Variants in HADHB observed in about 807,000 individuals in gnomAD.
HADHB encodes trifunctional enzyme subunit beta, mitochondrial.
Under a neutral mutation model 61.9 loss-of-function variants are expected in HADHB, and 50 were observed. That is an observed-to-expected ratio of 0.81 (90% confidence interval 0.64 to 1.02). The LOEUF (loss-of-function observed/expected upper bound fraction) is 1.02. Ranked by LOEUF, HADHB falls within the 50% of genes least tolerant of loss-of-function variation. The pLI is 0.00. For synonymous variants in HADHB, 191 were observed against 201.6 expected (o/e 0.95, Z 0.45); for missense variants, 504 against 586.5 (o/e 0.86, Z 1.45).
intron 4 of HADHB, among the ~76,000 whole-genome samples, chr2:26,265,316 C>A (rs1038068464): frequency 5.3e-5 from 8 of 152,062 alleles, no homozygotes; most frequent in Admixed American, 5.2e-4. Flanking sequence ...TACAAACAGG[C>A]CAGGTTCAGT....
At position 26,258,116 on chromosome 2, in the gene HADHB, G is replaced by A. The variant is rs181238914; in HGVS notation, c.109+3642G>A. On this transcript the variant is annotated intron_variant, in intron 3 of 15. Coordinates refer to ENST00000317799, the MANE Select transcript of HADHB (RefSeq NM_000183.3). Reference sequence around the variant, plus strand: ...TTATGGAAAACAACAGTTTGCATTAGGTCCCTTAACTGAGCCTCCGAAACG... The same window carrying A: ...TTATGGAAAACAACAGTTTGCATTAAGTCCCTTAACTGAGCCTCCGAAACG... Among the ~76,000 whole-genome samples, 598 of 152,272 alleles carry A rather than the reference G, an allele frequency of 3.9e-3. 4 individuals are homozygous for A. Among genetic ancestry groups the A allele is most frequent in the African/African-American group, 0.013 (555 of 41,558 alleles).
intron 15 of HADHB, 65 bp downstream of exon 15, chr2:26,285,636 G>T: frequency 6.8e-6 from 8 of 1,178,934 alleles, no homozygotes; most frequent in Non-Finnish European, 8.2e-6. Flanking sequence ...TAGAATGTAT[G>T]ATTTAGTTTG....
chr2:26,247,488 A>G (rs1412242802), intron 1 of HADHB, among the ~76,000 whole-genome samples: 1 of 152,176 alleles, frequency 6.6e-6, no homozygotes, highest in Non-Finnish European at 1.5e-5. Context: ...TACTTTTAAC[A>G]TTTTGATGTG....
At chr2:26,272,833 C>T (rs888282619) in intron 5 of HADHB, among the ~76,000 whole-genome samples, 3 of 151,934 alleles carry the variant, frequency 2.0e-5, no homozygotes, top group African/African-American at 7.3e-5. Context: ...CCTATAATCC[C>T]AGCACTTTGG....
chr2:26,280,898 G>A (rs1672761535), intron 10 of HADHB, among the ~76,000 whole-genome samples: 2 of 148,352 alleles, frequency 1.3e-5, no homozygotes, highest in East Asian at 3.9e-4. Context: ...TTGGACAAAG[G>A]GAATAGCAAA....
At chr2:26,280,945 T>TG (rs1311581992) in intron 10 of HADHB, among the ~76,000 whole-genome samples, 3 of 149,970 alleles carry the variant, frequency 2.0e-5, no homozygotes, top group Admixed American at 6.6e-5. Context: ...AGGGGTTCTT[T>TG]GGGGAAAAGT....
chr2:26,283,763 G>A (rs971305488), intron 12 of HADHB, among the ~76,000 whole-genome samples: 7 of 152,058 alleles, frequency 4.6e-5, no homozygotes, highest in South Asian at 2.1e-4. Flanking sequence ...ACTCTGTTCC[G>A]TTCCCTCACA....
At chr2:26,266,329 A>G (rs1273024536) in intron 4 of HADHB, among the ~76,000 whole-genome samples, 1 of 152,080 alleles carries the variant, frequency 6.6e-6, no homozygotes, top group Non-Finnish European at 1.5e-5. Context: ...AAGGACAACA[A>G]TTTTTACATT....
Position 26,267,122 on chromosome 2 carries a change from C to T in HADHB, c.210-2831C>T, listed in dbSNP as rs532858417. ...TGAAGAATGAATCTTCTTATTTAATCCAATGATTAAATCTCTGACTTAAAA... is the reference window on the plus strand; with the variant it reads ...TGAAGAATGAATCTTCTTATTTAATTCAATGATTAAATCTCTGACTTAAAA... On this transcript the variant is annotated intron_variant, in intron 4 of 15. Coordinates refer to ENST00000317799, the MANE Select transcript of HADHB (RefSeq NM_000183.3). 4.6e-3 allele frequency among the ~76,000 whole-genome samples: 698 copies of T among 151,922 alleles called. 3 individuals are homozygous for T. The highest frequency in any genetic ancestry group is 0.016 in the African/African-American group (679 of 41,422).
chr2:26,260,736 G>C (rs1671827755), intron 3 of HADHB: 5 of 431,118 alleles, frequency 1.2e-5, no homozygotes, highest in Non-Finnish European at 1.7e-5. Context: ...ACTACAGCTG[G>C]AAAGGTGTTA....
intron 14 of HADHB, 25 bp downstream of exon 14, chr2:26,284,982 C>A (rs373050054): frequency 3.5e-6 from 4 of 1,154,186 alleles, no homozygotes; most frequent in African/African-American, 3.0e-5. Flanking sequence ...TTAAAAAATG[C>A]GTGAATTTTC....
intron 4 of HADHB, among the ~76,000 whole-genome samples, chr2:26,265,323 C>T (rs899739309): frequency 7.2e-5 from 11 of 152,186 alleles, no homozygotes; most frequent in Non-Finnish European, 5.9e-5. Flanking sequence ...AGGCCAGGTT[C>T]AGTGGCTCAC....
chr2:26,288,850 C>T (rs1457632217), intron 15 of HADHB, among the ~76,000 whole-genome samples: 1 of 152,140 alleles, frequency 6.6e-6, no homozygotes, highest in African/African-American at 2.4e-5. Context: ...CTTTTATTTA[C>T]TTTTTTGTTT....
chr2:26,261,477 G>A (rs553969263), intron 3 of HADHB: 1 of 160,680 alleles, frequency 6.2e-6, no homozygotes, highest in Admixed American at 6.0e-5. Context: ...CTCAAAGTTA[G>A]CGAGTTTAAA....
chr2:26,287,225 A>G (rs1002513487), intron 15 of HADHB, among the ~76,000 whole-genome samples: 27 of 152,144 alleles, frequency 1.8e-4, no homozygotes, highest in African/African-American at 4.8e-4. Flanking sequence ...AATGAAATAA[A>G]TCTTACGTTT....
At chr2:26,270,133 A>G (rs139065011) in intron 5 of HADHB, 136 bp downstream of exon 5, 59 of 729,232 alleles carry the variant, frequency 8.1e-5, no homozygotes, top group Middle Eastern at 4.9e-4. Context: ...AATATTGTCA[A>G]TCTTTATTTT....
At chr2:26,276,978 C>T (rs530164737) in intron 6 of HADHB, 95 bp from the exon 7 acceptor site, 18 of 758,126 alleles carry the variant, frequency 2.4e-5, no homozygotes, top group Non-Finnish European at 3.7e-5. Flanking sequence ...AAACTGAAAC[C>T]GTTTCCAGAT....
rs538575997 is a variant in HADHB at position 26,269,944 on chromosome 2, G to A, written c.210-9G>A. The A allele has an allele frequency of 1.1e-5, 18 of 1,598,354 alleles. No individual in the cohort carries two copies. The Admixed American group carries it at 1.2e-4, about 10-fold the overall frequency. ...GTTTTGGTTTAAATTACTGGTTTTC[G>A]TTCCCCAGATATAAAGACCTGATGC... On this transcript the variant is annotated splice_polypyrimidine_tract_variant and intron_variant, in intron 4 of 15. Transcript: ENST00000317799.
intron 1 of HADHB, among the ~76,000 whole-genome samples, chr2:26,251,005 T>C (rs1409491200): frequency 6.6e-6 from 1 of 151,270 alleles, no homozygotes; most frequent in Non-Finnish European, 1.5e-5. Context: ...TTAGCCATTT[T>C]CCCAGTGAAT....
Sources: gnomAD v4.1 joint callset for allele counts (sites outside exome capture counted in the v4.1 genomes callset) on GRCh38, gnomAD v4.1.1 for gene constraint, MANE v1.5 for transcripts, NCBI Gene and HGNC (gene_info 2026-07-23, HGNC 2026-07-21) for gene names.